The following PALS2 variants were observed in gnomAD, a reference collection of about 807,000 sequenced individuals.
The protein encoded by PALS2 is protein PALS2.
Under a neutral mutation model 61.6 loss-of-function variants are expected in PALS2, and 27 were observed. The observed-to-expected ratio is 0.44, with a 90% confidence interval of 0.32 to 0.60. The LOEUF (loss-of-function observed/expected upper bound fraction) is 0.60, where lower values mean the gene tolerates loss of function less well. PALS2 is among the 20% of genes least tolerant of loss of function. The pLI, the probability that PALS2 is intolerant of heterozygous loss-of-function variation, is 0.05. For missense variants in PALS2, 554 were observed against 639.4 expected (o/e 0.87, Z 1.44); for synonymous variants, 236 against 218.6 (o/e 1.08, Z -0.70).
chr7:24,615,981 G>A lies in PALS2; in HGVS notation c.-2-7685G>A, dbSNP rs556103059. Among the ~76,000 whole-genome samples, 34 of 152,176 alleles carry A rather than the reference G, an allele frequency of 2.2e-4. No individual in the cohort carries two copies. In the South Asian group the frequency reaches 4.1e-3, roughly 19 times the overall value. On this transcript the variant is annotated intron_variant, in intron 1 of 11. Coordinates refer to ENST00000222644, the MANE Select transcript of PALS2 (RefSeq NM_001303037.2). Reference sequence around the variant, plus strand: ...TCATCTCAATAGATGCAGAAAAAGCGTTTTGTAAAATTCAACATTCCTTCC... The same window carrying A: ...TCATCTCAATAGATGCAGAAAAAGCATTTTGTAAAATTCAACATTCCTTCC...
At chr7:24,676,350 C>A (rs1212584355) in intron 9 of PALS2, among the ~76,000 whole-genome samples, 121 of 150,916 alleles carry the variant, frequency 8.0e-4, no homozygotes, top group East Asian at 2.1e-3. Context: ...ATGGTAGTTT[C>A]TTTTCCTGTG....
chr7:24,680,294 A>C (rs768150192), intron 10 of PALS2, 98 bp from the exon 11 acceptor site: 2 of 1,243,732 alleles, frequency 1.6e-6, no homozygotes, highest in East Asian at 4.8e-5. Flanking sequence ...CCTTTAATTC[A>C]TAGAACAAGT....
chr7:24,588,588 A>G (rs929900164), intron 1 of PALS2, among the ~76,000 whole-genome samples: 2 of 152,156 alleles, frequency 1.3e-5, no homozygotes, highest in African/African-American at 4.8e-5. Flanking sequence ...ATTTTTTAGT[A>G]TATAAAAAGT....
At chr7:24,641,924 T>G in intron 3 of PALS2, 56 bp downstream of exon 3, 1 of 1,533,806 alleles carries the variant, frequency 6.5e-7, no homozygotes, top group African/African-American at 1.4e-5. Context: ...AGTATTCTCC[T>G]TTACTTTCCA....
intron 1 of PALS2, chr7:24,589,500 T>A (rs996158958): frequency 6.6e-6 from 1 of 152,178 alleles, no homozygotes; most frequent in Non-Finnish European, 1.5e-5. Flanking sequence ...GTAAGCCTGT[T>A]TTAATTCTGG....
chr7:24,601,169 G>T (rs1009822868), intron 1 of PALS2, among the ~76,000 whole-genome samples: 4 of 152,068 alleles, frequency 2.6e-5, no homozygotes, highest in African/African-American at 9.6e-5. Flanking sequence ...CCTTCACCAC[G>T]TATGCATATC....
intron 1 of PALS2, among the ~76,000 whole-genome samples, chr7:24,616,505 T>G (rs184775638): frequency 3.9e-4 from 59 of 152,294 alleles, no homozygotes; most frequent in African/African-American, 1.2e-3. Flanking sequence ...TGGTTTTCAT[T>G]TACATGGAAT....
intron 2 of PALS2, chr7:24,624,051 T>C (rs1470516201): frequency 1.5e-6 from 2 of 1,319,438 alleles, no homozygotes; most frequent in Non-Finnish European, 1.0e-6. Flanking sequence ...TGCACAGTTG[T>C]GTTTTAACAG....
chr7:24,607,388 A>G (rs929383421), intron 1 of PALS2, among the ~76,000 whole-genome samples: 1 of 151,978 alleles, frequency 6.6e-6, no homozygotes, highest in Non-Finnish European at 1.5e-5. Context: ...GTATCTGACA[A>G]TTGAAAAATC....
chr7:24,631,044 A>G (rs574055541), intron 2 of PALS2, among the ~76,000 whole-genome samples: 2 of 152,336 alleles, frequency 1.3e-5, no homozygotes, highest in African/African-American at 4.8e-5. Context: ...TTCAAGTCTT[A>G]GTTAAATACA....
In PALS2 at chr7:24,685,900, G is replaced by A. The variant is rs114680016; in HGVS notation, c.1447-1538G>A. On this transcript the variant is annotated intron_variant, in intron 11 of 11. Transcript: ENST00000222644. ...TTCCATCAACATCATTTACATTCAT[G>A]CCATTGTTATGCTAATGATTTATAT... Among the ~76,000 whole-genome samples, 791 of 152,118 alleles carry A rather than the reference G, an allele frequency of 5.2e-3. 7 individuals are homozygous for A. The highest frequency in any genetic ancestry group is 0.017 in the African/African-American group (723 of 41,508).
chr7:24,680,547 T>C, intron 11 of PALS2, 27 bp downstream of exon 11: 1 of 1,594,908 alleles, frequency 6.3e-7, no homozygotes, highest in South Asian at 1.1e-5. Context: ...ATTTTCCTTC[T>C]AAAATCTTTC....
chr7:24,679,254 A>T lies in PALS2; in HGVS notation c.1238A>T (p.Asn413Ile), dbSNP rs1787790491. The change falls in exon 10 of 12, where the codon AAT (asparagine) becomes ATT (isoleucine). Residue 413 changes from asparagine to isoleucine, a missense_variant. Transcript: ENST00000222644. Reference sequence around the variant, plus strand: ...TTGGAACATGGGGAATATGAAGGAAATCTCTATGGAACCAAAATTGATTCT... The same window carrying T: ...TTGGAACATGGGGAATATGAAGGAATTCTCTATGGAACCAAAATTGATTCT... ...KYLEHGEYEG[N>I]LYGTKIDSIL... 1 of 1,613,928 alleles carries T rather than the reference A, an allele frequency of 6.2e-7. No individual in the cohort carries two copies. Among genetic ancestry groups the T allele is most frequent in the Non-Finnish European group, 8.5e-7 (1 of 1,179,928 alleles).
At chr7:24,627,568 G>A (rs1383948478) in intron 2 of PALS2, among the ~76,000 whole-genome samples, 1 of 152,100 alleles carries the variant, frequency 6.6e-6, no homozygotes, top group Non-Finnish European at 1.5e-5. Flanking sequence ...AACAATCATT[G>A]AATCCAGGAG....
At chr7:24,648,288 T>C (rs1785947171) in intron 3 of PALS2, among the ~76,000 whole-genome samples, 1 of 147,868 alleles carries the variant, frequency 6.8e-6, no homozygotes, top group Non-Finnish European at 1.5e-5. Flanking sequence ...TAAAAATTAT[T>C]CTTTTTTTTT....
intron 11 of PALS2, among the ~76,000 whole-genome samples, chr7:24,683,522 CTT>C (rs749237062): frequency 2.1e-5 from 3 of 143,926 alleles, no homozygotes; most frequent in Non-Finnish European, 1.5e-5. Context: ...CCCTTGAGAC[CTT>C]TTTTTTTTTT....
intron 11 of PALS2, among the ~76,000 whole-genome samples, chr7:24,685,288 G>A (rs1342741059): frequency 6.6e-6 from 1 of 152,092 alleles, no homozygotes; most frequent in Non-Finnish European, 1.5e-5. Flanking sequence ...TTTTGCTTCT[G>A]ATTTTTAAGA....
chr7:24,635,988 G>A (rs1374061822), intron 2 of PALS2, among the ~76,000 whole-genome samples: 1 of 151,982 alleles, frequency 6.6e-6, no homozygotes. Flanking sequence ...GAGGCGGGCG[G>A]ATCACCTGAG....
At chr7:24,680,808 C>G (rs1761036727) in intron 11 of PALS2, among the ~76,000 whole-genome samples, 1 of 152,140 alleles carries the variant, frequency 6.6e-6, no homozygotes, top group African/African-American at 2.4e-5. Context: ...GTTGGCCAGA[C>G]TGGTCTTGAA....
Sources: gnomAD v4.1 joint callset for allele counts (sites outside exome capture counted in the v4.1 genomes callset) on GRCh38, gnomAD v4.1.1 for gene constraint, MANE v1.5 for transcripts, NCBI Gene and HGNC (gene_info 2026-07-23, HGNC 2026-07-21) for gene names.